The following TTF1 variants were observed in gnomAD, a reference collection of about 807,000 sequenced individuals.
TTF1 encodes transcription termination factor 1, also known as transcription termination factor, RNA polymerase I.
Under a neutral mutation model 80.2 loss-of-function variants are expected in TTF1, and 64 were observed. That is an observed-to-expected ratio of 0.80 (90% CI 0.65 to 0.98). TTF1 has a LOEUF of 0.98. Among genes scored for constraint, TTF1 ranks in the 50% least tolerant of loss-of-function variants. The pLI is 0.00. For synonymous variants in TTF1, 372 were observed against 382.7 expected, an observed-to-expected ratio of 0.97 and a Z score of 0.33; for missense variants, 1,023 against 1,086.2, an observed-to-expected ratio of 0.94 and a Z score of 0.82.
chr9:132,375,756 C>T lies in TTF1; in HGVS notation c.*159G>A, dbSNP rs923202005. On this transcript the variant is annotated 3_prime_UTR_variant, in exon 11 of 11. Coordinates refer to ENST00000334270, the MANE Select transcript of TTF1 (RefSeq NM_007344.4). ...CTCATGCGGTGGTGCGATCTTGGCT[C>T]ACTGCAACCTCCACCTCCTGGGTTC... 5.0e-5 allele frequency: 29 copies of T among 580,770 alleles called. No individual in the cohort carries two copies. Among genetic ancestry groups the T allele is most frequent in the South Asian group, 4.8e-4 (23 of 47,498 alleles). 36.0% of individuals were successfully genotyped at this position (580,770 alleles called of 1,614,324 possible).
At chr9:132,393,245 C>G (rs908383195) in intron 5 of TTF1, among the ~76,000 whole-genome samples, 1 of 149,938 alleles carries the variant, frequency 6.7e-6, no homozygotes, top group Non-Finnish European at 1.5e-5. Flanking sequence ...ATTCATCCTA[C>G]ATAAAAATAC....
Position 132,376,179 on chromosome 9 carries a change from G to T in TTF1, c.2465-11C>A, listed in dbSNP as rs1016108475. 1.1e-5 allele frequency: 17 copies of T among 1,605,284 alleles called. No individual in the cohort carries two copies. Among genetic ancestry groups the T allele is most frequent in the African/African-American group, 1.3e-5 (1 of 74,190 alleles). On this transcript the variant is annotated splice_polypyrimidine_tract_variant and intron_variant, in intron 10 of 10. Coordinates refer to ENST00000334270, the MANE Select transcript of TTF1 (RefSeq NM_007344.4). Reference sequence around the variant, plus strand: ...GGTAGTCGATGATCTCTACAGAAAAGAAATTTAATTGTGCAGTTATCTGTC... The same window carrying T: ...GGTAGTCGATGATCTCTACAGAAAATAAATTTAATTGTGCAGTTATCTGTC...
intron 7 of TTF1, among the ~76,000 whole-genome samples, chr9:132,389,798 TG>T (rs1293989323): frequency 2.6e-5 from 4 of 152,112 alleles, no homozygotes; most frequent in African/African-American, 9.7e-5. Flanking sequence ...GCAAAGAATG[TG>T]TGGCAGAAGC....
At chr9:132,386,759 G>A (rs1849475552) in intron 8 of TTF1, 138 bp from the exon 9 acceptor site, 1 of 668,492 alleles carries the variant, frequency 1.5e-6, no homozygotes, top group South Asian at 1.9e-5. Context: ...CATGCACAGT[G>A]AGCTCAGCAT....
chr9:132,393,276 C>CG (rs972439936), intron 5 of TTF1, among the ~76,000 whole-genome samples: 1 of 151,950 alleles, frequency 6.6e-6, no homozygotes, highest in Non-Finnish European at 1.5e-5. Flanking sequence ...CAAGCCCCCC[C>CG]CGCAAACTGG....
intron 10 of TTF1, among the ~76,000 whole-genome samples, chr9:132,378,447 G>C (rs1201467644): frequency 7.2e-6 from 1 of 139,226 alleles, no homozygotes; most frequent in Non-Finnish European, 1.6e-5. Flanking sequence ...AATGCATGTG[G>C]TGTGAGTGCA....
rs746080585 is a variant in TTF1 at position 132,388,194 on chromosome 9, G to A, written c.2257C>T (p.Arg753Trp). 4.3e-6 allele frequency: 7 copies of A among 1,610,766 alleles called. No individual in the cohort carries two copies. Among genetic ancestry groups the A allele is most frequent in the African/African-American group, 4.0e-5 (3 of 74,878 alleles). The part of the protein sequence containing the change: ...EILTKRMTNG[R>W]RIYYGMNALR... ...GCATTCATGCCATAGTAGATACGCC[G>A]ACCATTAGTCATCCTCTTGGTTAGA... Residue 753 changes from arginine (R) to tryptophan (W), a missense_variant, in exon 8 of 11, where the codon CGG (arginine) becomes TGG (tryptophan). Transcript: ENST00000334270.
Position 132,388,163 on chromosome 9 carries a change from C to T in TTF1, c.2288G>A (p.Arg763Gln), listed in dbSNP as rs370531581. 13 of 1,611,746 alleles carry T rather than the reference C, an allele frequency of 8.1e-6. No homozygotes were observed. In the African/African-American group the frequency reaches 9.3e-5, roughly 12 times the overall value. The change falls in exon 8 of 11, where the codon CGG (arginine) becomes CAG (glutamine). Residue 763 changes from arginine to glutamine, a missense_variant. Physicochemically the swap from Arg to Gln is conservative, Grantham distance 43. Transcript: ENST00000334270. ...CCTTTCAATAAGGCTGACCTTGGCC[C>T]GCAGGGCATTCATGCCATAGTAGAT... The part of the protein sequence containing the change: ...RRIYYGMNAL[R>Q]AKVSLIERLY...
rs528230951 is a variant in TTF1 at position 132,400,232 on chromosome 9, T to C, written c.1394A>G (p.Asn465Ser). 1.2e-6 allele frequency: 2 copies of C among 1,614,220 alleles called. No individual in the cohort carries two copies. Among genetic ancestry groups the C allele is most frequent in the South Asian group, 1.1e-5 (1 of 91,078 alleles). The change falls in exon 3 of 11, where the codon AAT (asparagine) becomes AGT (serine). Residue 465 changes from asparagine (N) to serine (S), a missense_variant. Transcript: ENST00000334270. ...PRLEPANEEH[N>S]VETAEDSEIR... The stretch of plus-strand genomic sequence containing the variant: ...TTCGGAATCTTCAGCTGTTTCCACA[T>C]TGTGTTCTTCATTTGCAGGTTCTAA...
At chr9:132,377,831 AATGCATGTGGTGTGT>A (rs1564181522) in intron 10 of TTF1, among the ~76,000 whole-genome samples, 2 of 87,128 alleles carry the variant, frequency 2.3e-5, no homozygotes, top group Admixed American at 1.4e-4. Flanking sequence ...GGTGTGTGTG[AATGCATGTGGTGTGT>A]GTGAATGCAT....
chr9:132,392,354 G>A, intron 5 of TTF1, 148 bp from the exon 6 acceptor site: 2 of 911,456 alleles, frequency 2.2e-6, no homozygotes, highest in African/African-American at 1.7e-5. Context: ...CTTCCTGTTG[G>A]CGTCTCACTG....
chr9:132,382,867 A>C (rs1849392958), intron 9 of TTF1, among the ~76,000 whole-genome samples: 1 of 151,946 alleles, frequency 6.6e-6, no homozygotes, highest in South Asian at 2.1e-4. Context: ...GGAGTTTGAG[A>C]CCAGCCTGGC....
intron 5 of TTF1, among the ~76,000 whole-genome samples, chr9:132,392,503 C>T (rs970079808): frequency 6.6e-6 from 1 of 152,208 alleles, no homozygotes; most frequent in Non-Finnish European, 1.5e-5. Flanking sequence ...TCCACCCGAC[C>T]TGGACAGTGC....
Position 132,377,483 on chromosome 9 carries a change from ATGTGGTG to A in TTF1, c.2465-1322_2465-1316del, listed in dbSNP as rs1234327702. The stretch of plus-strand genomic sequence containing the variant: ...GAGTGCATGTGGTGTGTGTGAATGC[ATGTGGTG>A]TGTGTGAGTGCATGCATGTGGTGTG... On this transcript the variant is annotated intron_variant, in intron 10 of 10. Coordinates refer to ENST00000334270, the MANE Select transcript of TTF1 (RefSeq NM_007344.4). 8.9e-5 allele frequency among the ~76,000 whole-genome samples: 3 copies of A among 33,848 alleles called. 1 individual carries two copies. Among genetic ancestry groups the A allele is most frequent in the Non-Finnish European group, 2.3e-4 (3 of 12,840 alleles). The allele number at this position is 33,848 out of a possible 152,430, so 22.2% of individuals were successfully genotyped here. A position where few individuals can be genotyped will look rare whatever the true frequency, so the allele number is the denominator to read the frequency against.
At chr9:132,379,914 TTAAC>T (rs1343552453) in intron 9 of TTF1, among the ~76,000 whole-genome samples, 1 of 152,192 alleles carries the variant, frequency 6.6e-6, no homozygotes, top group Non-Finnish European at 1.5e-5. Context: ...TAAAAAACAA[TTAAC>T]TAATCCAGTT....
chr9:132,397,410 A>G (rs1457764233), intron 4 of TTF1, among the ~76,000 whole-genome samples: 1 of 152,212 alleles, frequency 6.6e-6, no homozygotes, highest in Non-Finnish European at 1.5e-5. Flanking sequence ...CTCTGATCCC[A>G]TATGACAGCA....
At chr9:132,385,257 C>T (rs1237180746) in intron 9 of TTF1, among the ~76,000 whole-genome samples, 1 of 152,168 alleles carries the variant, frequency 6.6e-6, no homozygotes, top group Non-Finnish European at 1.5e-5. Flanking sequence ...CACACCAGAC[C>T]AATCCCATTC....
At position 132,390,663 on chromosome 9, in the gene TTF1, C is replaced by G. The variant is rs1192957284; in HGVS notation, c.2156G>C (p.Gly719Ala). ...LSIVREKLYK[G>A]ISWVEVEAKV... ...AGCTTCTACTTCTACCCAAGATATG[C>G]CCTTGTAGAGTTTTTCCCGAACAAT... Residue 719 changes from glycine (G) to alanine (A), a missense_variant, in exon 7 of 11, where the codon GGC (glycine) becomes GCC (alanine). Physicochemically the swap from Gly to Ala is moderately conservative, Grantham distance 60 (BLOSUM62 0). Coordinates refer to ENST00000334270, the MANE Select transcript of TTF1 (RefSeq NM_007344.4). 1.2e-6 allele frequency: 2 copies of G among 1,614,092 alleles called. No homozygotes were observed. The highest frequency in any genetic ancestry group is 1.3e-5 in the African/African-American group (1 of 74,934).
chr9:132,392,103 C>T lies in TTF1; in HGVS notation c.1960G>A (p.Ala654Thr), dbSNP rs761300005. The change falls in exon 6 of 11, where the codon GCC (alanine) becomes ACC (threonine). Residue 654 changes from alanine (A) to threonine (T), a missense_variant. Ala to Thr is a moderately conservative substitution (Grantham distance 58). Coordinates refer to ENST00000334270, the MANE Select transcript of TTF1 (RefSeq NM_007344.4). ...EMVARSSLSV[A>T]LKFSQISSQR... ...CTGCTGATCTGTGAGAACTTGAGGG[C>T]CACGGAGAGGCTACTTCGGGCCACC... The T allele has an allele frequency of 3.1e-6, 5 of 1,614,008 alleles. No individual in the cohort carries two copies. The highest frequency in any genetic ancestry group is 3.3e-5 in the Admixed American group (2 of 60,006).
Sources: allele counts gnomAD v4.1 joint callset (sites outside exome capture counted in the v4.1 genomes callset), GRCh38; gene constraint gnomAD v4.1.1; transcripts MANE v1.5; gene names NCBI Gene and HGNC (gene_info 2026-07-23, HGNC 2026-07-21).